Variants in HEATR3 observed in about 807,000 individuals in gnomAD.
HEATR3 encodes HEAT repeat containing 3.
HEATR3 carries 56 observed loss-of-function variants against 72.8 expected under a neutral mutation model. The observed-to-expected ratio is 0.77, with a 90% CI of 0.62 to 0.96. The LOEUF (loss-of-function observed/expected upper bound fraction) is 0.96, where lower values mean the gene tolerates loss of function less well. HEATR3 is among the 40% of genes least tolerant of loss of function. The probability of loss-of-function intolerance (pLI) is 0.00; values close to 1 mark genes in which losing one functional copy is unlikely to be tolerated. For missense variants in HEATR3, 747 were observed against 831.4 expected (o/e 0.90, Z 1.25); for synonymous variants, 331 against 318.1 (o/e 1.04, Z -0.43).
intron 6 of HEATR3, among the ~76,000 whole-genome samples, chr16:50,076,889 G>A (rs149806991): frequency 7.6e-6 from 1 of 131,134 alleles, no homozygotes; most frequent in Non-Finnish European, 1.6e-5. Flanking sequence ...TTTTTTTGGA[G>A]ACTGAGTCTC....
rs1300487844 is a variant in HEATR3, at chr16:50,066,091, C to G, written c.-41C>G. 1.3e-6 allele frequency: 2 copies of G among 1,555,778 alleles called. No homozygotes were observed. Among genetic ancestry groups the G allele is most frequent in the Non-Finnish European group, 8.7e-7 (1 of 1,154,270 alleles). ...CGGCAGCCTCCACCGCCTGCTGTTG[C>G]CCTCCTCTCTCGGTGGTCTGTCCGC... On this transcript the variant is annotated 5_prime_UTR_variant, in exon 1 of 15. Coordinates refer to ENST00000299192, the MANE Select transcript of HEATR3 (RefSeq NM_182922.4).
chr16:50,091,774 T>C (rs1648354981), intron 11 of HEATR3, among the ~76,000 whole-genome samples: 1 of 149,350 alleles, frequency 6.7e-6, no homozygotes, highest in South Asian at 2.1e-4. Flanking sequence ...CTCGGGAGGC[T>C]GAGGCAGGAG....
Position 50,086,475 on chromosome 16 carries a change from A to C in HEATR3, c.1510+124A>C, listed in dbSNP as rs146846993. The C allele has an allele frequency of 4.0e-4, 425 of 1,063,980 alleles. 2 individuals are homozygous for C. The African/African-American group carries it at 5.6e-3, about 14-fold the overall frequency. The allele number at this position is 1,063,980 out of a possible 1,614,324, so 65.9% of individuals were successfully genotyped here. ...TGCAGAAACCTTTCCCAGACACAGG[A>C]ATCATGTATTTATAGTTGCCATGGG... On this transcript the variant is annotated intron_variant, in intron 11 of 14. Coordinates refer to ENST00000299192, the MANE Select transcript of HEATR3 (RefSeq NM_182922.4).
intron 7 of HEATR3, among the ~76,000 whole-genome samples, chr16:50,082,671 A>C (rs981164250): frequency 6.6e-6 from 1 of 150,798 alleles, no homozygotes. Context: ...CTGTAATCTC[A>C]ACACTTTTGG....
rs747270392 is a variant in HEATR3 at position 50,072,570 on chromosome 16, G to A, written c.513-35G>A. ...GGTTGATTTCCTACTGTTAAAATGT[G>A]AATAGTAAAACTTTTTTTTCCCCCT... On this transcript the variant is annotated intron_variant, in intron 4 of 14. Transcript: ENST00000299192. 3 of 1,333,026 alleles carry A rather than the reference G, an allele frequency of 2.3e-6. No individual in the cohort carries two copies. In the South Asian group the frequency reaches 3.6e-5, roughly 16 times the overall value. 82.6% of individuals were successfully genotyped at this position (1,333,026 alleles called of 1,614,324 possible).
At chr16:50,100,855 A>AT (rs1282857759) in intron 13 of HEATR3, 5 of 191,400 alleles carry the variant, frequency 2.6e-5, no homozygotes, top group African/African-American at 1.2e-4. Context: ...TATACTAGCA[A>AT]TTCCCTCAGC....
At chr16:50,073,681 A>C (rs1229865869) in intron 5 of HEATR3, 1 of 152,216 alleles carries the variant, frequency 6.6e-6, no homozygotes, top group Non-Finnish European at 1.5e-5. Flanking sequence ...TTGTTACAAT[A>C]AGAGAACTTC....
rs1255923695 is a variant in HEATR3 at position 50,106,935 on chromosome 16, A to G, written c.*1874A>G. Among the ~76,000 whole-genome samples the G allele has an allele frequency of 6.6e-6, 1 of 152,136 alleles. No homozygotes were observed. The highest frequency in any genetic ancestry group is 1.5e-5 in the Non-Finnish European group (1 of 68,036). Reference sequence around the variant, plus strand: ...TTGTGTATATGGTGGGAAAACAGAAATGTATACCATATACAACACCTCGCT... The same window carrying G: ...TTGTGTATATGGTGGGAAAACAGAAGTGTATACCATATACAACACCTCGCT... On this transcript the variant is annotated 3_prime_UTR_variant, in exon 15 of 15. Transcript: ENST00000299192.
At chr16:50,067,900 CCAAA>C (rs1211074754) in intron 2 of HEATR3, among the ~76,000 whole-genome samples, 16 of 152,088 alleles carry the variant, frequency 1.1e-4, no homozygotes, top group Admixed American at 3.3e-4. Context: ...CAAGCATTAA[CCAAA>C]CAGTTACATA....
At chr16:50,083,888 T>C (rs1281058143) in intron 7 of HEATR3, 49 bp from the exon 8 acceptor site, 1 of 1,530,080 alleles carries the variant, frequency 6.5e-7, no homozygotes, top group East Asian at 2.3e-5. Flanking sequence ...CCAAAAACAT[T>C]TTCCCAACCA....
chr16:50,066,042 C>A lies in HEATR3; in HGVS notation c.-90C>A. 2 of 1,411,654 alleles carry A rather than the reference C, an allele frequency of 1.4e-6. No individual in the cohort carries two copies. The highest frequency in any genetic ancestry group is 2.5e-4 in the Middle Eastern group (1 of 4,042). The allele number at this position is 1,411,654 out of a possible 1,614,324, so 87.4% of individuals were successfully genotyped here. A position where few individuals can be genotyped will look rare whatever the true frequency, so the allele number is the denominator to read the frequency against. ...GCCGTCAGCCGGCCCAGCTGAGCAG[C>A]AGCAACGGACCTTGTTAACGGCGCG... On this transcript the variant is annotated 5_prime_UTR_variant, in exon 1 of 15. Coordinates refer to ENST00000299192, the MANE Select transcript of HEATR3 (RefSeq NM_182922.4).
chr16:50,091,458 C>T (rs1009632964), intron 11 of HEATR3, among the ~76,000 whole-genome samples: 1 of 151,922 alleles, frequency 6.6e-6, no homozygotes, highest in East Asian at 1.9e-4. Context: ...CAGAGTGATA[C>T]TCCGTCTAAA....
In HEATR3 at chr16:50,068,768, C is replaced by T. The variant is rs1201932940; in HGVS notation, c.312-12C>T. ...ATGTGAAAGTAAAACATGTTTTAAA[C>T]TTCTTGTGTAGAAATCTCAGTGCTT... On this transcript the variant is annotated splice_polypyrimidine_tract_variant and intron_variant, in intron 2 of 14. Coordinates refer to ENST00000299192, the MANE Select transcript of HEATR3 (RefSeq NM_182922.4). The T allele has an allele frequency of 2.5e-6, 4 of 1,605,336 alleles. No individual in the cohort carries two copies. Among genetic ancestry groups the T allele is most frequent in the South Asian group, 2.2e-5 (2 of 90,556 alleles).
At chr16:50,101,279 C>CAAA in intron 13 of HEATR3, among the ~76,000 whole-genome samples, 2 of 151,884 alleles carry the variant, frequency 1.3e-5, no homozygotes, top group South Asian at 4.2e-4. Context: ...CCACACCTGG[C>CAAA]TAATTTTTGT....
chr16:50,069,182 T>C (rs2036559821), intron 3 of HEATR3: 1 of 198,310 alleles, frequency 5.0e-6, no homozygotes, highest in African/African-American at 2.3e-5. Flanking sequence ...TTTCATGTTT[T>C]GGATATTATA....
At position 50,084,122 on chromosome 16, in the gene HEATR3, C is replaced by T. The variant is rs1239923686; in HGVS notation, c.1133-12C>T. The T allele has an allele frequency of 6.2e-7, 1 of 1,614,034 alleles. No individual in the cohort carries two copies. The highest frequency in any genetic ancestry group is 1.7e-5 in the Admixed American group (1 of 60,020). On this transcript the variant is annotated splice_polypyrimidine_tract_variant and intron_variant, in intron 8 of 14. Transcript: ENST00000299192. ...AACTATTCCAGTTCTGCGTGGTTTGCCCGCTTCCCAGATCCCTCTGATGAC... is the reference window on the plus strand; with the variant it reads ...AACTATTCCAGTTCTGCGTGGTTTGTCCGCTTCCCAGATCCCTCTGATGAC...
intron 11 of HEATR3, among the ~76,000 whole-genome samples, chr16:50,087,062 T>C (rs1232439238): frequency 6.6e-6 from 1 of 152,208 alleles, no homozygotes; most frequent in Non-Finnish European, 1.5e-5. Flanking sequence ...AAAGCCTCCC[T>C]CCTTTCTCCG....
chr16:50,085,286 A>G (rs998219252), intron 10 of HEATR3, among the ~76,000 whole-genome samples: 3 of 152,112 alleles, frequency 2.0e-5, no homozygotes, highest in East Asian at 3.9e-4. Flanking sequence ...TAAACTCTCT[A>G]TGTATGTTGT....
intron 3 of HEATR3, 54 bp from the exon 4 acceptor site, chr16:50,070,124 A>C: frequency 1.2e-6 from 1 of 840,950 alleles, no homozygotes; most frequent in Non-Finnish European, 1.9e-6. Context: ...TCATTACCCT[A>C]TTTGTTTAAT....
Sources: allele counts gnomAD v4.1 joint callset (sites outside exome capture counted in the v4.1 genomes callset), GRCh38; gene constraint gnomAD v4.1.1; transcripts MANE v1.5; gene names NCBI Gene and HGNC (gene_info 2026-07-23, HGNC 2026-07-21).